The following AGO2 variants were observed in gnomAD, a reference collection of about 807,000 sequenced individuals.
AGO2 encodes the protein argonaute RISC catalytic component 2.
Under a neutral mutation model 102.3 loss-of-function variants are expected in AGO2, and 5 were observed. The observed-to-expected ratio is 0.05, with a 90% CI of 0.03 to 0.10. The LOEUF (loss-of-function observed/expected upper bound fraction) is 0.10, where lower values mean the gene tolerates loss of function less well. Among genes scored for constraint, AGO2 ranks in the 10% least tolerant of loss-of-function variants. The pLI is 1.00. For synonymous variants in AGO2, 449 were observed against 473.1 expected (o/e 0.95, Z 0.66); for missense variants, 541 against 1,183.7 (o/e 0.46, Z 7.97).
rs10112937 is a variant in AGO2, at chr8:140,569,290, T to C, written c.336+3522A>G. Among the ~76,000 whole-genome samples, 1,050 of 152,358 alleles carry C rather than the reference T, an allele frequency of 6.9e-3. 5 individuals are homozygous for C. The highest frequency in any genetic ancestry group is 0.014 in the Middle Eastern group (4 of 294). ...CAGGGTCTGCTATTGTTCTGAGCTGTGGGTCTGCCCTAACTTCCTTCTGGG... is the reference window on the plus strand; with the variant it reads ...CAGGGTCTGCTATTGTTCTGAGCTGCGGGTCTGCCCTAACTTCCTTCTGGG... On this transcript the variant is annotated intron_variant, in intron 3 of 18. Transcript: ENST00000220592.
chr8:140,563,893 C>G (rs1477465217), intron 3 of AGO2, among the ~76,000 whole-genome samples: 2 of 152,266 alleles, frequency 1.3e-5, no homozygotes, highest in Non-Finnish European at 2.9e-5. Context: ...AGGGCCTGGC[C>G]TCTTGCCACA....
chr8:140,556,901 G>A (rs185878028), intron 8 of AGO2, among the ~76,000 whole-genome samples, 188 bp downstream of exon 8: 267 of 152,320 alleles, frequency 1.8e-3, no homozygotes, highest in African/African-American at 6.0e-3. Context: ...GAGAGCTGCA[G>A]ACCCCATTCT....
chr8:140,570,170 C>A (rs1471674336), intron 3 of AGO2, among the ~76,000 whole-genome samples: 1 of 152,220 alleles, frequency 6.6e-6, no homozygotes, highest in African/African-American at 2.4e-5. Flanking sequence ...CCCATGCTAA[C>A]CGAACACAGT....
At chr8:140,535,074 G>A (rs561315872) in intron 17 of AGO2, among the ~76,000 whole-genome samples, 1 of 152,308 alleles carries the variant, frequency 6.6e-6, no homozygotes, top group East Asian at 1.9e-4. Flanking sequence ...CTCGTGAATC[G>A]ACGCCAAGTC....
the AGO2 span, among the ~76,000 whole-genome samples, chr8:140,642,237 C>T: frequency 6.6e-6 from 1 of 152,126 alleles, no homozygotes; most frequent in East Asian, 1.9e-4. Flanking sequence ...GCACTGACAT[C>T]GTGCTTTGTG....
intron 3 of AGO2, among the ~76,000 whole-genome samples, chr8:140,564,060 C>T (rs1352233372): frequency 1.3e-5 from 2 of 152,214 alleles, no homozygotes; most frequent in African/African-American, 4.8e-5. Flanking sequence ...CCCAAACTGG[C>T]CGCGCCCCGA....
At chr8:140,631,968 A>G (rs376830203) in intron 1 of AGO2, among the ~76,000 whole-genome samples, 1 of 152,216 alleles carries the variant, frequency 6.6e-6, no homozygotes, top group East Asian at 1.9e-4. Flanking sequence ...CAATTATTTC[A>G]CAATATTAAC....
At chr8:140,552,802 G>A (rs1010169937) in intron 10 of AGO2, among the ~76,000 whole-genome samples, 5 of 151,440 alleles carry the variant, frequency 3.3e-5, no homozygotes, top group Non-Finnish European at 5.9e-5. Context: ...TCTCAACCTC[G>A]GCACAACTGA....
At chr8:140,603,948 T>C (rs1311555605) in intron 1 of AGO2, among the ~76,000 whole-genome samples, 1 of 152,252 alleles carries the variant, frequency 6.6e-6, no homozygotes, top group Non-Finnish European at 1.5e-5. Context: ...CTGGGACTCC[T>C]GCCTCCCGGG....
intron 6 of AGO2, 97 bp from the exon 7 acceptor site, chr8:140,558,669 G>T: frequency 1.5e-6 from 2 of 1,360,640 alleles, no homozygotes; most frequent in Non-Finnish European, 1.0e-6. Flanking sequence ...TGTGGCTGGG[G>T]ACCCAAGTTA....
intron 1 of AGO2, among the ~76,000 whole-genome samples, chr8:140,612,813 C>G (rs1302283443): frequency 6.6e-6 from 1 of 151,944 alleles, no homozygotes; most frequent in Non-Finnish European, 1.5e-5. Flanking sequence ...CAACAAATAC[C>G]CATAATTATC....
intron 18 of AGO2, 82 bp downstream of exon 18, chr8:140,532,334 C>G: frequency 3.3e-6 from 5 of 1,512,546 alleles, no homozygotes; most frequent in Non-Finnish European, 4.5e-6. Flanking sequence ...GGCCCTGCCC[C>G]TTCCCCTTCC....
intron 14 of AGO2, 56 bp downstream of exon 14, chr8:140,544,157 C>T (rs933758426): frequency 1.9e-5 from 29 of 1,499,818 alleles, no homozygotes; most frequent in Non-Finnish European, 2.5e-5. Flanking sequence ...AGTGGGACTT[C>T]GACAGCGTCC....
chr8:140,579,408 C>T (rs1000422512), intron 2 of AGO2, among the ~76,000 whole-genome samples: 1 of 152,170 alleles, frequency 6.6e-6, no homozygotes, highest in African/African-American at 2.4e-5. Context: ...CTGAGGCGCC[C>T]ATTTTCCTAC....
intron 1 of AGO2, among the ~76,000 whole-genome samples, chr8:140,628,807 C>T (rs955549485): frequency 4.1e-5 from 6 of 145,108 alleles, no homozygotes; most frequent in Non-Finnish European, 6.0e-5. Context: ...AATAATAGGC[C>T]GGGCGCGGTG....
At position 140,522,523 on chromosome 8, in the gene AGO2, C is replaced by T. The variant is rs537486425; in HGVS notation, c.*9521G>A. ...CCATCAGCCACACAGAAATCTCAGA[C>T]TGGAGGGGAAAAAAAAAAAGAAACA... On this transcript the variant is annotated 3_prime_UTR_variant, in exon 19 of 19. Transcript: ENST00000220592. 2.2e-5 allele frequency: 3 copies of T among 135,132 alleles called. No individual in the cohort carries two copies. In the Admixed American group the frequency reaches 2.5e-4, roughly 11 times the overall value. The allele number at this position is 135,132 out of a possible 1,614,324, so 8.4% of individuals were successfully genotyped here.
At position 140,520,237 on chromosome 8, in the gene AGO2, A is replaced by G. The variant is rs1203869326; in HGVS notation, c.*11807T>C. 1 of 152,232 alleles carries G rather than the reference A, an allele frequency of 6.6e-6. No homozygotes were observed. Among genetic ancestry groups the G allele is most frequent in the Non-Finnish European group, 1.5e-5 (1 of 68,046 alleles). 9.4% of individuals were successfully genotyped at this position (152,232 alleles called of 1,614,324 possible). On this transcript the variant is annotated 3_prime_UTR_variant, in exon 19 of 19. Coordinates refer to ENST00000220592, the MANE Select transcript of AGO2 (RefSeq NM_012154.5). ...AATTGACACCATACAAAATAACTTT[A>G]TAAAATATCATTCACATCATATTTT...
In AGO2 at chr8:140,556,052, G is replaced by A. The variant is rs753002629; in HGVS notation, c.1147-34C>T. The A allele has an allele frequency of 3.7e-6, 6 of 1,612,676 alleles. No homozygotes were observed. The East Asian group carries it at 1.1e-4, about 30-fold the overall frequency. Reference sequence around the variant, plus strand: ...GGGAAACAAGAAAACGCACGGAGTGGGTGGAGGCCTCCCATCTCTCTAGCA... The same window carrying A: ...GGGAAACAAGAAAACGCACGGAGTGAGTGGAGGCCTCCCATCTCTCTAGCA... On this transcript the variant is annotated intron_variant, in intron 9 of 18. Coordinates refer to ENST00000220592, the MANE Select transcript of AGO2 (RefSeq NM_012154.5).
At chr8:140,553,888 T>C (rs182535758) in intron 10 of AGO2, among the ~76,000 whole-genome samples, 3 of 150,472 alleles carry the variant, frequency 2.0e-5, no homozygotes, top group East Asian at 2.0e-4. Flanking sequence ...TTAGTAGAGA[T>C]AGGGTTTCGC....
Sources: gnomAD v4.1 joint callset for allele counts (sites outside exome capture counted in the v4.1 genomes callset) on GRCh38, gnomAD v4.1.1 for gene constraint, MANE v1.5 for transcripts, NCBI Gene and HGNC (gene_info 2026-07-23, HGNC 2026-07-21) for gene names.